The following ASTN1 variants were observed in gnomAD, a reference collection of about 807,000 sequenced individuals.
ASTN1 encodes the protein astrotactin-1.
In ASTN1, 41 loss-of-function variants were observed where a neutral mutation model predicts 140.7. The ratio of observed to expected loss-of-function variants is 0.29; its 90% CI spans 0.23 to 0.38. The LOEUF (loss-of-function observed/expected upper bound fraction) is 0.38. Ranked by LOEUF, ASTN1 falls within the 10% of genes least tolerant of loss-of-function variation. The probability of loss-of-function intolerance (pLI) is 1.00; values close to 1 mark genes in which losing one functional copy is unlikely to be tolerated. For missense variants in ASTN1, 1,479 were observed against 1,678.8 expected, an observed-to-expected ratio of 0.88 and a Z score of 2.08; for synonymous variants, 640 against 652.2, an observed-to-expected ratio of 0.98 and a Z score of 0.29.
chr1:176,874,464 A>G (rs1259989373), intron 21 of ASTN1, among the ~76,000 whole-genome samples: 3 of 152,110 alleles, frequency 2.0e-5, no homozygotes, highest in South Asian at 2.1e-4. Context: ...TAATTCTCTA[A>G]CCATTTTTTG....
intron 1 of ASTN1, among the ~76,000 whole-genome samples, chr1:177,075,759 A>G (rs1373955172): frequency 6.7e-6 from 1 of 148,252 alleles, no homozygotes; most frequent in Non-Finnish European, 1.5e-5. Context: ...CAATCCTTCC[A>G]TCTCAGCCTC....
intron 16 of ASTN1, among the ~76,000 whole-genome samples, chr1:176,906,812 C>T (rs1381401199): frequency 6.7e-6 from 1 of 149,880 alleles, no homozygotes; most frequent in Non-Finnish European, 1.5e-5. Flanking sequence ...CCACTACGCT[C>T]CAGCCTGGGT....
intron 8 of ASTN1, among the ~76,000 whole-genome samples, chr1:176,983,821 A>T (rs1673750332): frequency 6.6e-6 from 1 of 152,170 alleles, no homozygotes; most frequent in African/African-American, 2.4e-5. Context: ...ATTCGCGCTG[A>T]CCTTGGACTT....
intron 14 of ASTN1, among the ~76,000 whole-genome samples, chr1:176,937,228 T>C (rs1671488145): frequency 6.6e-6 from 1 of 152,234 alleles, no homozygotes; most frequent in South Asian, 2.1e-4. Flanking sequence ...TGATTTGTGT[T>C]CAGTATTTAA....
intron 5 of ASTN1, among the ~76,000 whole-genome samples, chr1:177,029,008 A>G (rs552125963): frequency 6.6e-6 from 1 of 152,326 alleles, no homozygotes; most frequent in African/African-American, 2.4e-5. Context: ...GAAGCCACTG[A>G]TCATGACAGT....
At chr1:177,092,480 T>C (rs1211282587) in intron 1 of ASTN1, among the ~76,000 whole-genome samples, 1 of 152,252 alleles carries the variant, frequency 6.6e-6, no homozygotes, top group Non-Finnish European at 1.5e-5. Context: ...TGGTGAATTT[T>C]GAAGCACAAA....
At chr1:177,044,057 C>T (rs73047005) in intron 2 of ASTN1, among the ~76,000 whole-genome samples, 3,248 of 152,156 alleles carry the variant, frequency 0.021, 125 homozygotes, top group African/African-American at 0.073. Flanking sequence ...CTTCGTTAAG[C>T]CACCAGCTCC....
chr1:176,952,367 T>C (rs1672229386), intron 11 of ASTN1, among the ~76,000 whole-genome samples: 2 of 151,966 alleles, frequency 1.3e-5, no homozygotes, highest in Admixed American at 1.3e-4. Flanking sequence ...CATTATAAAG[T>C]GTCCAGAGTG....
intron 9 of ASTN1, among the ~76,000 whole-genome samples, chr1:176,960,136 C>T (rs978298809): frequency 2.6e-5 from 4 of 152,020 alleles, no homozygotes; most frequent in Admixed American, 6.6e-5. Context: ...ACCTGGAATC[C>T]GGGACTTAAG....
At chr1:176,940,449 T>C (rs1557976174) in intron 14 of ASTN1, among the ~76,000 whole-genome samples, 1 of 152,160 alleles carries the variant, frequency 6.6e-6, no homozygotes, top group Non-Finnish European at 1.5e-5. Flanking sequence ...CCAGAGAAAG[T>C]ACAATATGCA....
intron 7 of ASTN1, among the ~76,000 whole-genome samples, chr1:177,018,364 C>G (rs891308908): frequency 1.6e-4 from 24 of 152,128 alleles, no homozygotes; most frequent in African/African-American, 5.3e-4. Flanking sequence ...ACCAACCAAC[C>G]AACAAACAAA....
At chr1:176,915,219 C>G (rs895478477) in intron 16 of ASTN1, among the ~76,000 whole-genome samples, 1 of 152,132 alleles carries the variant, frequency 6.6e-6, no homozygotes, top group Non-Finnish European at 1.5e-5. Context: ...GGGAAATACC[C>G]TAATAGTTAC....
At chr1:176,882,754 A>T in intron 20 of ASTN1, 105 bp downstream of exon 20, 2 of 1,471,760 alleles carry the variant, frequency 1.4e-6, no homozygotes, top group East Asian at 4.6e-5. Context: ...GAGACTCAAC[A>T]TGTTTTGCTG....
At chr1:177,107,242 C>T (rs1680592240) in intron 1 of ASTN1, among the ~76,000 whole-genome samples, 1 of 152,106 alleles carries the variant, frequency 6.6e-6, no homozygotes, top group Non-Finnish European at 1.5e-5. Context: ...GTAGAGGGTT[C>T]ATAGCTCAGG....
chr1:177,128,693 G>A (rs1014675088), intron 1 of ASTN1, among the ~76,000 whole-genome samples: 1 of 152,148 alleles, frequency 6.6e-6, no homozygotes, highest in Non-Finnish European at 1.5e-5. Context: ...TTGGGTATTA[G>A]ACAAGAATCT....
chr1:176,944,469 A>G (rs1214600328), intron 13 of ASTN1, among the ~76,000 whole-genome samples: 1 of 152,110 alleles, frequency 6.6e-6, no homozygotes, highest in Non-Finnish European at 1.5e-5. Flanking sequence ...CCATGTTGCC[A>G]AGACTGGTCT....
chr1:177,074,548 C>G (rs1678797472), intron 1 of ASTN1, among the ~76,000 whole-genome samples: 1 of 152,180 alleles, frequency 6.6e-6, no homozygotes, highest in Non-Finnish European at 1.5e-5. Context: ...CAACTGTAAT[C>G]CCTTACACTC....
rs79394269 is a variant in ASTN1, at chr1:176,923,462, T to C, written c.2671+10690A>G. Among the ~76,000 whole-genome samples, 567 of 152,258 alleles carry C rather than the reference T, an allele frequency of 3.7e-3. 1 individual carries two copies. Among genetic ancestry groups the C allele is most frequent in the African/African-American group, 0.012 (501 of 41,546 alleles). On this transcript the variant is annotated intron_variant, in intron 16 of 22. Coordinates refer to ENST00000361833, the MANE Select transcript of ASTN1 (RefSeq NM_004319.3). Reference sequence around the variant, plus strand: ...CTCAACATGTTGCCTTAGAGTAGAATGGGCAATACAGCAGGCCCCCATCAT... The same window carrying C: ...CTCAACATGTTGCCTTAGAGTAGAACGGGCAATACAGCAGGCCCCCATCAT...
Position 176,861,566 on chromosome 1 carries a change from A to G in ASTN1, c.*2718T>C, listed in dbSNP as rs1667962633. The G allele has an allele frequency of 1.0e-6, 1 of 985,702 alleles. No individual in the cohort carries two copies. Among genetic ancestry groups the G allele is most frequent in the Non-Finnish European group, 1.2e-6 (1 of 829,950 alleles). The allele number at this position is 985,702 out of a possible 1,614,324, so 61.1% of individuals were successfully genotyped here. A position where few individuals can be genotyped will look rare whatever the true frequency, so the allele number is the denominator to read the frequency against. ...CAATAGTGTCTTCCAAGGGGAAAAA[A>G]TCCTCCAGTCAATTGTACAACCATC... On this transcript the variant is annotated 3_prime_UTR_variant, in exon 23 of 23. Coordinates refer to ENST00000361833, the MANE Select transcript of ASTN1 (RefSeq NM_004319.3).
Sources: allele counts gnomAD v4.1 joint callset (sites outside exome capture counted in the v4.1 genomes callset), GRCh38; gene constraint gnomAD v4.1.1; transcripts MANE v1.5; gene names NCBI Gene and HGNC (gene_info 2026-07-23, HGNC 2026-07-21).